Variants in CHIC1 observed in about 807,000 individuals in gnomAD.
CHIC1 encodes cysteine-rich hydrophobic domain-containing protein 1.
CHIC1 carries 7 observed loss-of-function variants against 18.5 expected under a neutral mutation model. That is an observed-to-expected ratio of 0.38 (90% CI 0.22 to 0.71). The LOEUF (loss-of-function observed/expected upper bound fraction) is 0.71, where lower values mean the gene tolerates loss of function less well. Among genes scored for constraint, CHIC1 ranks in the 30% least tolerant of loss-of-function variants. The probability of loss-of-function intolerance (pLI) is 0.49; values close to 1 mark genes in which losing one functional copy is unlikely to be tolerated. For missense variants in CHIC1, 159 were observed against 176.9 expected, an observed-to-expected ratio of 0.90 and a Z score of 0.57; for synonymous variants, 77 against 73.5, an observed-to-expected ratio of 1.05 and a Z score of -0.25.
intron 3 of CHIC1, among the ~76,000 whole-genome samples, chrX:73,611,999 T>C (rs2057711180): frequency 9.2e-6 from 1 of 108,931 alleles, no homozygotes; most frequent in Non-Finnish European, 1.9e-5. Flanking sequence ...TAGTTTCTTT[T>C]GCTGTGCAGA....
At chrX:73,649,330 A>T (rs1041371573) in intron 3 of CHIC1, among the ~76,000 whole-genome samples, 1 of 111,821 alleles carries the variant, frequency 8.9e-6, no homozygotes, top group African/African-American at 3.3e-5. Flanking sequence ...TGATGACAGC[A>T]TCAAATTCAC....
At chrX:73,597,581 A>ATG (rs1247373530) in intron 3 of CHIC1, among the ~76,000 whole-genome samples, 1 of 106,297 alleles carries the variant, frequency 9.4e-6, no homozygotes, top group Admixed American at 1.0e-4. Flanking sequence ...TTATATATAT[A>ATG]CATATATACA....
intron 3 of CHIC1, among the ~76,000 whole-genome samples, chrX:73,595,961 C>A (rs1236075265): frequency 9.0e-6 from 1 of 111,660 alleles, no homozygotes; most frequent in Non-Finnish European, 1.9e-5. Context: ...TTCTTGGCTT[C>A]AAGAATGTCT....
At chrX:73,659,843 G>A (rs1379843341) in intron 3 of CHIC1, among the ~76,000 whole-genome samples, 1 of 111,626 alleles carries the variant, frequency 9.0e-6, no homozygotes, top group Non-Finnish European at 1.9e-5. Flanking sequence ...GTCTTGGGGT[G>A]GCATGGACTC....
chrX:73,657,452 G>A (rs2057956190), intron 3 of CHIC1, among the ~76,000 whole-genome samples: 1 of 111,924 alleles, frequency 8.9e-6, no homozygotes, highest in African/African-American at 3.2e-5. Flanking sequence ...GAATGCCAGT[G>A]ATTTTTGCAC....
At position 73,566,050 on chromosome X, in the gene CHIC1, A is replaced by G. The variant is rs774418532; in HGVS notation, c.296+2470A>G. On this transcript the variant is annotated intron_variant, in intron 1 of 5. Coordinates refer to ENST00000373502, the MANE Select transcript of CHIC1 (RefSeq NM_001039840.4). ...CTTGATGCCACCATTCTGATCTCCC[A>G]GGGTAACATTCAAAACCTTTGAGTC... 2.7e-5 allele frequency among the ~76,000 whole-genome samples: 3 copies of G among 111,058 alleles called. No homozygotes were observed. In the South Asian group the frequency reaches 1.1e-3, roughly 42 times the overall value.
chrX:73,625,316 T>G (rs1413096501), intron 3 of CHIC1, among the ~76,000 whole-genome samples: 4 of 111,343 alleles, frequency 3.6e-5, no homozygotes, highest in South Asian at 3.8e-4. Context: ...CAAAGTGGAT[T>G]AAAATAGTTT....
intron 3 of CHIC1, among the ~76,000 whole-genome samples, chrX:73,672,947 G>T (rs1475871138): frequency 2.7e-5 from 3 of 111,660 alleles, no homozygotes; most frequent in African/African-American, 9.8e-5. Context: ...TTTGTATAAG[G>T]TGTAAGGAAG....
At chrX:73,590,184 C>G (rs1313864310) in intron 3 of CHIC1, among the ~76,000 whole-genome samples, 1 of 110,733 alleles carries the variant, frequency 9.0e-6, no homozygotes, top group Non-Finnish European at 1.9e-5. Flanking sequence ...TCACTTGATG[C>G]CAGCCTGAAG....
intron 3 of CHIC1, among the ~76,000 whole-genome samples, chrX:73,637,429 T>G (rs1415190388): frequency 2.7e-5 from 3 of 110,606 alleles, no homozygotes; most frequent in Non-Finnish European, 5.7e-5. Flanking sequence ...TTTGGGAAGG[T>G]TTTAGCCATA....
chrX:73,582,673 C>G (rs1433288817), intron 2 of CHIC1, among the ~76,000 whole-genome samples: 1 of 110,259 alleles, frequency 9.1e-6, no homozygotes, highest in African/African-American at 3.3e-5. Flanking sequence ...TTCTCAGAGA[C>G]ATGATTTATG....
At chrX:73,577,890 G>A (rs1211038940) in intron 2 of CHIC1, among the ~76,000 whole-genome samples, 1 of 109,679 alleles carries the variant, frequency 9.1e-6, no homozygotes, top group Non-Finnish European at 1.9e-5. Flanking sequence ...CTGACTTTTA[G>A]ATAGTTGGAG....
chrX:73,665,249 G>A (rs1429442898), intron 3 of CHIC1, among the ~76,000 whole-genome samples: 2 of 110,853 alleles, frequency 1.8e-5, no homozygotes, highest in African/African-American at 3.3e-5. Flanking sequence ...TGGAAAGGTA[G>A]GTGATGGTTC....
At chrX:73,612,992 C>T (rs2057716000) in intron 3 of CHIC1, among the ~76,000 whole-genome samples, 1 of 111,661 alleles carries the variant, frequency 9.0e-6, no homozygotes, top group African/African-American at 3.3e-5. Context: ...TCTGGGTGCT[C>T]AAGCTTGTTA....
chrX:73,608,864 G>A (rs1476355905), intron 3 of CHIC1, among the ~76,000 whole-genome samples: 2 of 107,510 alleles, frequency 1.9e-5, no homozygotes, highest in Admixed American at 9.9e-5. Context: ...ATTTAGGTGC[G>A]TTTTTGGCAG....
intron 3 of CHIC1, among the ~76,000 whole-genome samples, chrX:73,672,426 A>G (rs2058036369): frequency 9.0e-6 from 1 of 111,368 alleles, no homozygotes; most frequent in Non-Finnish European, 1.9e-5. Flanking sequence ...CCTCTCCAGC[A>G]CCTGTTGTTT....
chrX:73,605,822 C>T (rs2147571278), intron 3 of CHIC1, among the ~76,000 whole-genome samples: 1 of 108,461 alleles, frequency 9.2e-6, no homozygotes, highest in East Asian at 2.9e-4. Context: ...ATATTGGCCC[C>T]CACTCTCTTC....
chrX:73,625,614 G>T (rs1366553524), intron 3 of CHIC1, among the ~76,000 whole-genome samples: 1 of 111,667 alleles, frequency 9.0e-6, no homozygotes. Context: ...GCCTAATCCT[G>T]TCACAGCCAT....
chrX:73,670,069 G>A (rs1453751328), intron 3 of CHIC1, among the ~76,000 whole-genome samples: 1 of 111,699 alleles, frequency 9.0e-6, no homozygotes, highest in African/African-American at 3.3e-5. Flanking sequence ...CTCACAAGGA[G>A]ATCTCCTGAC....
Sources: gnomAD v4.1 joint callset for allele counts (sites outside exome capture counted in the v4.1 genomes callset) on GRCh38, gnomAD v4.1.1 for gene constraint, MANE v1.5 for transcripts, NCBI Gene and HGNC (gene_info 2026-07-23, HGNC 2026-07-21) for gene names.